UNC13C: variants seen among roughly 807,000 people sequenced by gnomAD.
UNC13C encodes protein unc-13 homolog C.
A neutral mutation model predicts 245.4 loss-of-function variants in UNC13C; 174 were observed. The observed-to-expected ratio is 0.71, with a 90% CI of 0.63 to 0.80. The LOEUF (loss-of-function observed/expected upper bound fraction) is 0.80, where lower values mean the gene tolerates loss of function less well. UNC13C is among the 30% of genes least tolerant of loss of function. The probability of loss-of-function intolerance (pLI) is 0.00; values close to 1 mark genes in which losing one functional copy is unlikely to be tolerated. For missense variants in UNC13C, 2,829 were observed against 2,602.9 expected, an observed-to-expected ratio of 1.09 and a Z score of -1.89; for synonymous variants, 992 against 895.1, an observed-to-expected ratio of 1.11 and a Z score of -1.93.
intron 18 of UNC13C, among the ~76,000 whole-genome samples, chr15:54,409,410 T>C (rs989148541): frequency 1.9e-4 from 29 of 152,180 alleles, no homozygotes; most frequent in South Asian, 2.1e-4. Flanking sequence ...AGTGGGTACA[T>C]AGGCAGGTTT....
chr15:54,264,213 A>G lies in UNC13C; in HGVS notation c.3494A>G (p.Gln1165Arg). 6.3e-7 allele frequency: 1 copy of G among 1,593,196 alleles called. No individual in the cohort carries two copies. The highest frequency in any genetic ancestry group is 1.8e-5 in the Admixed American group (1 of 56,998). The change falls in exon 9 of 33, where the codon CAG becomes CGG. Residue 1165 changes from glutamine to arginine, a missense_variant. By Grantham distance (43) the Gln-to-Arg change is conservative (BLOSUM62 1). Coordinates refer to ENST00000260323, the MANE Select transcript of UNC13C (RefSeq NM_001080534.3). ...SSKHGAEDKT[Q>R]TIITAMKERM... is the part of the protein sequence containing the mutation. ...AAACATGGTGCCGAAGACAAGACTCAGACCATTATTACAGCAATGAAAGAA... is the reference window on the plus strand; with the variant it reads ...AAACATGGTGCCGAAGACAAGACTCGGACCATTATTACAGCAATGAAAGAA...
intron 17 of UNC13C, among the ~76,000 whole-genome samples, chr15:54,365,353 T>G (rs561419705): frequency 1.5e-4 from 23 of 152,294 alleles, no homozygotes; most frequent in African/African-American, 5.5e-4. Context: ...ACAAGGTCCC[T>G]GAATTTAAAG....
chr15:54,161,953 A>T (rs909334168), intron 4 of UNC13C, among the ~76,000 whole-genome samples: 4 of 151,968 alleles, frequency 2.6e-5, no homozygotes, highest in Non-Finnish European at 5.9e-5. Context: ...ATTTAAAAAA[A>T]AATGGCTTTT....
intron 19 of UNC13C, among the ~76,000 whole-genome samples, chr15:54,484,371 T>C (rs1234397805): frequency 1.3e-5 from 2 of 152,248 alleles, no homozygotes; most frequent in Non-Finnish European, 2.9e-5. Context: ...TGTTCACTTA[T>C]GCGTTTTCAG....
Position 54,015,292 on chromosome 15 carries a change from T to A in UNC13C, c.2389T>A (p.Phe797Ile), listed in dbSNP as rs766358911. 9.9e-6 allele frequency: 14 copies of A among 1,410,570 alleles called. 1 individual carries two copies. The South Asian group carries it at 2.3e-4, about 24-fold the overall frequency. 87.4% of individuals were successfully genotyped at this position (1,410,570 alleles called of 1,614,324 possible). A position where few individuals can be genotyped will look rare whatever the true frequency, so the allele number is the denominator to read the frequency against. ...LSDKTFSFPKFGSTLQRAKSA... is the reference protein window; with the variant it reads ...LSDKTFSFPKIGSTLQRAKSA... ...TGATAAGACTTTCAGCTTCCCAAAA[T>A]TTGGATCTACACTGCAGAGGGCTAA... Residue 797 changes from phenylalanine (F) to isoleucine (I), a missense_variant, in exon 2 of 33, where the codon TTT becomes ATT. Physicochemically the swap from Phe to Ile is conservative, Grantham distance 21. Coordinates refer to ENST00000260323, the MANE Select transcript of UNC13C (RefSeq NM_001080534.3).
Position 54,015,588 on chromosome 15 carries a change from T to TCAGAAA in UNC13C, c.2685_2686insCAGAAA (p.Ile895_Thr896insGlnLys). Reference sequence around the variant, plus strand: ...CTAAACTAGAAAACAGGACTAGTATTACTGAAACAGATGAACAAATGCAAG... The same window carrying TCAGAAA: ...CTAAACTAGAAAACAGGACTAGTATTCAGAAAACTGAAACAGATGAACAAATGCAAG... On this transcript the variant is annotated inframe_insertion, in exon 2 of 33. Coordinates refer to ENST00000260323, the MANE Select transcript of UNC13C (RefSeq NM_001080534.3). 6.2e-7 allele frequency: 1 copy of TCAGAAA among 1,613,852 alleles called. No homozygotes were observed. Among genetic ancestry groups the TCAGAAA allele is most frequent in the Non-Finnish European group, 8.5e-7 (1 of 1,179,806 alleles).
intron 2 of UNC13C, among the ~76,000 whole-genome samples, chr15:54,068,557 G>T (rs1280437758): frequency 2.6e-5 from 4 of 152,196 alleles, no homozygotes; most frequent in Admixed American, 1.3e-4. Flanking sequence ...GGTTGGCAAA[G>T]CGTGTATTTA....
rs532004071 is a variant in UNC13C, at chr15:54,282,565, G to A, written c.3819-11330G>A. Among the ~76,000 whole-genome samples the A allele has an allele frequency of 4.5e-4, 68 of 152,280 alleles. 1 individual carries two copies. Among genetic ancestry groups the A allele is most frequent in the African/African-American group, 1.6e-3 (66 of 41,578 alleles). On this transcript the variant is annotated intron_variant, in intron 10 of 32. Coordinates refer to ENST00000260323, the MANE Select transcript of UNC13C (RefSeq NM_001080534.3). ...CCAAAACCCCAGAGGGGGTGTTACAGTGCTTCTTTACTTTTGTTGTCCATG... is the reference window on the plus strand; with the variant it reads ...CCAAAACCCCAGAGGGGGTGTTACAATGCTTCTTTACTTTTGTTGTCCATG...
At chr15:53,917,040 T>C in the UNC13C span, among the ~76,000 whole-genome samples, 1 of 152,236 alleles carries the variant, frequency 6.6e-6, no homozygotes, top group Non-Finnish European at 1.5e-5. Flanking sequence ...GCATCAGTAA[T>C]GGCACATTAA....
chr15:54,065,659 T>C (rs1406862815), intron 2 of UNC13C, among the ~76,000 whole-genome samples: 1 of 152,264 alleles, frequency 6.6e-6, no homozygotes, highest in Non-Finnish European at 1.5e-5. Flanking sequence ...CCTGGAATTC[T>C]TCACTTCCAG....
intron 29 of UNC13C, among the ~76,000 whole-genome samples, chr15:54,558,177 C>T (rs1344311088): frequency 3.3e-5 from 5 of 151,996 alleles, no homozygotes; most frequent in Non-Finnish European, 7.4e-5. Context: ...GGGTGCAGCA[C>T]ACCAGCATGT....
chr15:54,211,480 C>G (rs893418479), intron 4 of UNC13C, among the ~76,000 whole-genome samples: 2 of 151,956 alleles, frequency 1.3e-5, no homozygotes, highest in Non-Finnish European at 2.9e-5. Flanking sequence ...TGCCTTTTTT[C>G]CTAGTATCAA....
chr15:54,095,557 T>C (rs975878192), intron 2 of UNC13C, among the ~76,000 whole-genome samples: 2 of 152,188 alleles, frequency 1.3e-5, no homozygotes, highest in South Asian at 2.1e-4. Flanking sequence ...GTGGTCTTAG[T>C]ACCAGCAGCA....
chr15:54,201,908 GA>G (rs1428452186), intron 4 of UNC13C, among the ~76,000 whole-genome samples: 2 of 151,908 alleles, frequency 1.3e-5, no homozygotes, highest in Non-Finnish European at 2.9e-5. Context: ...TGTATACCTA[GA>G]AAACCCTAAA....
At chr15:53,875,059 C>A in the UNC13C span, among the ~76,000 whole-genome samples, 33 of 152,164 alleles carry the variant, frequency 2.2e-4, no homozygotes, top group African/African-American at 7.5e-4. Context: ...TGCCACTGCA[C>A]TCCAGCCTGG....
intron 17 of UNC13C, among the ~76,000 whole-genome samples, chr15:54,340,744 G>A (rs2038708640): frequency 6.6e-6 from 1 of 152,028 alleles, no homozygotes. Context: ...TGTTCCTTTT[G>A]CTTAGTCTTG....
At chr15:54,188,758 A>T (rs530788477) in intron 4 of UNC13C, among the ~76,000 whole-genome samples, 10 of 152,294 alleles carry the variant, frequency 6.6e-5, no homozygotes, top group African/African-American at 2.4e-4. Flanking sequence ...ATAGGTACGT[A>T]TCATGATCCC....
At chr15:54,076,778 G>A (rs1032772292) in intron 2 of UNC13C, among the ~76,000 whole-genome samples, 4 of 152,122 alleles carry the variant, frequency 2.6e-5, no homozygotes, top group Admixed American at 1.3e-4. Context: ...AGATCCCTGT[G>A]GGAGTATTCT....
At position 54,297,928 on chromosome 15, in the gene UNC13C, T is replaced by C; in HGVS notation, c.4104+2T>C. The C allele has an allele frequency of 1.3e-6, 2 of 1,511,506 alleles. No homozygotes were observed. The highest frequency in any genetic ancestry group is 1.8e-6 in the Non-Finnish European group (2 of 1,104,638). The allele number at this position is 1,511,506 out of a possible 1,614,324, so 93.6% of individuals were successfully genotyped here. ...ATTCAATATACATGTTTACATGAGG[T>C]AAATAAATGGAATTTTACTAATACA... On this transcript the variant is annotated splice_donor_variant, in intron 12 of 32. Transcript: ENST00000260323. LOFTEE classifies it high-confidence loss of function.
Sources: allele counts gnomAD v4.1 joint callset (sites outside exome capture counted in the v4.1 genomes callset), GRCh38; gene constraint gnomAD v4.1.1; transcripts MANE v1.5; gene names NCBI Gene and HGNC (gene_info 2026-07-23, HGNC 2026-07-21).